FAP: variants seen among roughly 807,000 people sequenced by gnomAD.
The protein encoded by FAP is fibroblast activation protein alpha.
Under a neutral mutation model 126.5 loss-of-function variants are expected in FAP, and 110 were observed. The observed-to-expected ratio is 0.87, with a 90% CI of 0.74 to 1.02. The LOEUF (loss-of-function observed/expected upper bound fraction) is 1.02, where lower values mean the gene tolerates loss of function less well. Among genes scored for constraint, FAP ranks in the 50% least tolerant of loss-of-function variants. FAP has a pLI of 0.00. For missense variants in FAP, 919 were observed against 909.2 expected (o/e 1.01, Z -0.14); for synonymous variants, 334 against 297.3 (o/e 1.12, Z -1.27).
At position 162,219,076 on chromosome 2, in the gene FAP, G is replaced by T. The variant is rs1308127051; in HGVS notation, c.594C>A (p.Asp198Glu). Residue 198 changes from aspartate to glutamate, a missense_variant, in exon 8 of 26, where the codon GAC (aspartate) becomes GAA (glutamate). Coordinates refer to ENST00000188790, the MANE Select transcript of FAP (RefSeq NM_004460.5). Reference sequence around the variant, plus strand: ...AATACAGCTTACCTTCATAAACCCAGTCTGGGATTCCATTAAATATTTTAT... The same window carrying T: ...AATACAGCTTACCTTCATAAACCCATTCTGGGATTCCATTAAATATTTTAT... ...RENKIFNGIP[D>E]WVYEEEMLAT... The T allele has an allele frequency of 6.2e-7, 1 of 1,603,370 alleles. No homozygotes were observed.
intron 20 of FAP, among the ~76,000 whole-genome samples, chr2:162,187,465 A>G (rs1206733368): frequency 6.6e-6 from 1 of 152,080 alleles, no homozygotes; most frequent in Non-Finnish European, 1.5e-5. Context: ...CTATAGAGAC[A>G]TGGCAAGAAT....
At chr2:162,232,535 G>A (rs1689940572) in intron 2 of FAP, among the ~76,000 whole-genome samples, 1 of 152,182 alleles carries the variant, frequency 6.6e-6, no homozygotes, top group Non-Finnish European at 1.5e-5. Context: ...TTAAGAGAAA[G>A]TGAGGCAATT....
intron 16 of FAP, chr2:162,198,254 C>A (rs941600166): frequency 7.8e-7 from 1 of 1,289,736 alleles, no homozygotes; most frequent in African/African-American, 1.5e-5. Flanking sequence ...GAATGATTGA[C>A]CTCCGACGTG....
intron 12 of FAP, among the ~76,000 whole-genome samples, chr2:162,203,920 C>T (rs1188331043): frequency 6.6e-6 from 1 of 152,146 alleles, no homozygotes; most frequent in African/African-American, 2.4e-5. Flanking sequence ...AAAATAGTTT[C>T]GTATTTTTCC....
chr2:162,198,635 G>C, intron 16 of FAP, 122 bp downstream of exon 16: 1 of 1,237,234 alleles, frequency 8.1e-7, no homozygotes, highest in Non-Finnish European at 1.1e-6. Flanking sequence ...ATAAGCACAA[G>C]ATAAGATTCT....
At chr2:162,171,117 A>T (rs778669900) in intron 25 of FAP, 37 bp from the exon 26 acceptor site, 1 of 1,547,622 alleles carries the variant, frequency 6.5e-7, no homozygotes, top group South Asian at 1.1e-5. Context: ...TTATTCCTGC[A>T]GTCATCAAAT....
chr2:162,223,424 G>A (rs761026989), intron 6 of FAP, among the ~76,000 whole-genome samples, 184 bp downstream of exon 6: 4 of 152,088 alleles, frequency 2.6e-5, no homozygotes, highest in African/African-American at 7.2e-5. Flanking sequence ...AAAGAGGTGG[G>A]TATCCCATAT....
intron 17 of FAP, among the ~76,000 whole-genome samples, chr2:162,194,332 G>GAA (rs113792808): frequency 1.0e-5 from 1 of 98,486 alleles, no homozygotes; most frequent in Non-Finnish European, 2.2e-5. Context: ...AATCCCTGAG[G>GAA]AAAAAAAAAA....
At position 162,189,109 on chromosome 2, in the gene FAP, A is replaced by T; in HGVS notation, c.1613T>A (p.Ile538Asn). The T allele has an allele frequency of 6.3e-7, 1 of 1,588,952 alleles. No homozygotes were observed. Among genetic ancestry groups the T allele is most frequent in the Non-Finnish European group, 8.6e-7 (1 of 1,161,420 alleles). The part of the protein sequence containing the change: ...FDRSKKYPLL[I>N]QVYGGPCSQS... Reference sequence around the variant, plus strand: ...CAAAGAAAATATTACATACACTTGAATTAGCAAGGGATACTTCTTTGATCT... The same window carrying T: ...CAAAGAAAATATTACATACACTTGATTTAGCAAGGGATACTTCTTTGATCT... The change falls in exon 19 of 26, where the codon ATT becomes AAT. Residue 538 changes from isoleucine (I) to asparagine (N), a missense_variant. By Grantham distance (149) the Ile-to-Asn change is moderately radical (BLOSUM62 -3). Transcript: ENST00000188790.
chr2:162,212,904 T>A (rs1038193408), intron 11 of FAP, among the ~76,000 whole-genome samples: 3 of 152,232 alleles, frequency 2.0e-5, no homozygotes, highest in African/African-American at 7.2e-5. Context: ...CAACAGATTA[T>A]GTTTGAGTTT....
Position 162,187,880 on chromosome 2 carries a change from G to A in FAP, c.1814+289C>T, listed in dbSNP as rs150912345. Among the ~76,000 whole-genome samples, 794 of 152,110 alleles carry A rather than the reference G, an allele frequency of 5.2e-3. 9 individuals carry two copies. Among genetic ancestry groups the A allele is most frequent in the African/African-American group, 0.019 (772 of 41,526 alleles). On this transcript the variant is annotated intron_variant, in intron 20 of 25. Coordinates refer to ENST00000188790, the MANE Select transcript of FAP (RefSeq NM_004460.5). ...AGAGTTCAAAGTTTTTCTATCAATT[G>A]TAAGAAATGGAACTAAATTAAAAGA...
Position 162,194,704 on chromosome 2 carries a change from G to C in FAP, c.1447C>G (p.Gln483Glu), listed in dbSNP as rs1285487189. ...GATAACATGCAAGAGAGAGTACCTTGATCAGTGCGTCCATCATGAAGGGTG... is the reference window on the plus strand; with the variant it reads ...GATAACATGCAAGAGAGAGTACCTTCATCAGTGCGTCCATCATGAAGGGTG... Reference protein sequence around the residue: ...ISTLHDGRTDQEIKILEENKE... With the variant: ...ISTLHDGRTDEEIKILEENKE... Residue 483 changes from glutamine to glutamate, a missense_variant, in exon 17 of 26, where the codon CAA (glutamine) becomes GAA (glutamate). Physicochemically the swap from Gln to Glu is conservative, Grantham distance 29 (BLOSUM62 2). Coordinates refer to ENST00000188790, the MANE Select transcript of FAP (RefSeq NM_004460.5). 1 of 1,613,364 alleles carries C rather than the reference G, an allele frequency of 6.2e-7. No homozygotes were observed. Among genetic ancestry groups the C allele is most frequent in the Non-Finnish European group, 8.5e-7 (1 of 1,179,550 alleles).
intron 23 of FAP, 142 bp from the exon 24 acceptor site, chr2:162,173,363 C>A: frequency 1.5e-6 from 1 of 661,988 alleles, no homozygotes; most frequent in Non-Finnish European, 2.7e-6. Flanking sequence ...CAGAGCAACA[C>A]ATTTTCATCA....
chr2:162,221,493 C>G (rs1689394051), intron 6 of FAP: 1 of 352,648 alleles, frequency 2.8e-6, no homozygotes, highest in African/African-American at 2.2e-5. Context: ...CCACTGCACT[C>G]CAGCTTGGGC....
chr2:162,175,589 A>G (rs771597401), intron 21 of FAP: 1 of 152,200 alleles, frequency 6.6e-6, no homozygotes, highest in Non-Finnish European at 1.5e-5. Flanking sequence ...GGTGTCTTTA[A>G]AAACCTTATA....
intron 16 of FAP, chr2:162,197,528 C>T (rs537723268): frequency 1.1e-3 from 512 of 456,390 alleles, no homozygotes; most frequent in Non-Finnish European, 1.8e-3. Flanking sequence ...TTCAAAGATG[C>T]CATTGACCAA....
At chr2:162,233,191 G>A (rs1689970254) in intron 2 of FAP, among the ~76,000 whole-genome samples, 1 of 151,794 alleles carries the variant, frequency 6.6e-6, no homozygotes, top group African/African-American at 2.4e-5. Flanking sequence ...TTAATGCTAA[G>A]AAAAAAAATT....
At chr2:162,222,294 CT>C (rs2106281234) in intron 6 of FAP, among the ~76,000 whole-genome samples, 1 of 152,202 alleles carries the variant, frequency 6.6e-6, no homozygotes, top group South Asian at 2.1e-4. Context: ...TCATTTGCAT[CT>C]CATTGTTATA....
At chr2:162,231,855 T>C (rs1357691458) in intron 2 of FAP, among the ~76,000 whole-genome samples, 2 of 152,180 alleles carry the variant, frequency 1.3e-5, no homozygotes, top group African/African-American at 4.8e-5. Flanking sequence ...AATGAGAAAA[T>C]TAAGTGGCAT....
Sources: allele counts gnomAD v4.1 joint callset (sites outside exome capture counted in the v4.1 genomes callset), GRCh38; gene constraint gnomAD v4.1.1; transcripts MANE v1.5; gene names NCBI Gene and HGNC (gene_info 2026-07-23, HGNC 2026-07-21).